Variants in PTPRG observed in about 807,000 individuals in gnomAD.
PTPRG encodes the protein protein tyrosine phosphatase receptor type G.
Under a neutral mutation model 165.3 loss-of-function variants are expected in PTPRG, and 102 were observed. That is an observed-to-expected ratio of 0.62 (90% CI 0.53 to 0.73). The LOEUF (loss-of-function observed/expected upper bound fraction) is 0.73, where lower values mean the gene tolerates loss of function less well. Among genes scored for constraint, PTPRG ranks in the 30% least tolerant of loss-of-function variants. The probability of loss-of-function intolerance (pLI) is 0.00; values close to 1 mark genes in which losing one functional copy is unlikely to be tolerated. For missense variants in PTPRG, 1,866 were observed against 1,861.4 expected, an observed-to-expected ratio of 1.00 and a Z score of -0.05; for synonymous variants, 675 against 669.5, an observed-to-expected ratio of 1.01 and a Z score of -0.13.
chr3:61,627,960 T>A (rs957507837), intron 1 of PTPRG, among the ~76,000 whole-genome samples: 34 of 152,164 alleles, frequency 2.2e-4, no homozygotes, highest in African/African-American at 7.5e-4. Context: ...CATTCCTGAG[T>A]GAAGAGAGCA....
intron 5 of PTPRG, among the ~76,000 whole-genome samples, chr3:62,089,554 G>C (rs1701862416): frequency 6.6e-6 from 1 of 152,146 alleles, no homozygotes; most frequent in African/African-American, 2.4e-5. Context: ...ATGTGATATA[G>C]TAAAAGACAC....
intron 2 of PTPRG, among the ~76,000 whole-genome samples, chr3:61,755,930 GA>G (rs1433758977): frequency 3.3e-5 from 5 of 152,152 alleles, no homozygotes; most frequent in Non-Finnish European, 7.3e-5. Flanking sequence ...TAGGGTTAAG[GA>G]CTGGGCAGTG....
Position 61,562,233 on chromosome 3 carries a change from C to G in PTPRG, c.-55C>G, listed in dbSNP as rs370243100. On this transcript the variant is annotated 5_prime_UTR_variant, in exon 1 of 30. Transcript: ENST00000474889. ...GCGGAGGCTCGCACGGAGGCAAGAACTTATTCAACAAGTTTACCTCCCTGC... is the reference window on the plus strand; with the variant it reads ...GCGGAGGCTCGCACGGAGGCAAGAAGTTATTCAACAAGTTTACCTCCCTGC... The G allele has an allele frequency of 3.3e-3, 5,061 of 1,520,332 alleles. 13 individuals are homozygous for G. The highest frequency in any genetic ancestry group is 4.0e-3 in the Non-Finnish European group (4,428 of 1,096,764). The allele number at this position is 1,520,332 out of a possible 1,614,324, so 94.2% of individuals were successfully genotyped here.
In PTPRG at chr3:62,201,319, C is replaced by T. The variant is rs531013850; in HGVS notation, c.1328-186C>T. On this transcript the variant is annotated intron_variant, in intron 10 of 29. Transcript: ENST00000474889. Reference sequence around the variant, plus strand: ...TACCCACAAACCAAATCTAGCTCTCCGCATGTTTTTGTAGGACTCGTAAGC... The same window carrying T: ...TACCCACAAACCAAATCTAGCTCTCTGCATGTTTTTGTAGGACTCGTAAGC... 3.9e-5 allele frequency among the ~76,000 whole-genome samples: 6 copies of T among 152,280 alleles called. No homozygotes were observed. The East Asian group carries it at 7.7e-4, about 20-fold the overall frequency.
chr3:61,903,852 T>C (rs921733951), intron 2 of PTPRG, among the ~76,000 whole-genome samples: 1 of 152,222 alleles, frequency 6.6e-6, no homozygotes, highest in Non-Finnish European at 1.5e-5. Flanking sequence ...TACTTAATTA[T>C]TTTTATATTT....
chr3:61,838,700 C>A (rs2036538298), intron 2 of PTPRG, among the ~76,000 whole-genome samples: 1 of 152,158 alleles, frequency 6.6e-6, no homozygotes. Context: ...CTGTAATGTT[C>A]CATATCAAAT....
rs571024205 is a variant in PTPRG at position 61,724,931 on chromosome 3, C to T, written c.86-23947C>T. Among the ~76,000 whole-genome samples, 13 of 152,104 alleles carry T rather than the reference C, an allele frequency of 8.5e-5. No homozygotes were observed. The East Asian group carries it at 2.5e-3, about 29-fold the overall frequency. ...TTTTTATCAGTATAGAGCCTGTTCC[C>T]ACGTCCTCTCACCAAGGCTCTTTAT... On this transcript the variant is annotated intron_variant, in intron 1 of 29. Coordinates refer to ENST00000474889, the MANE Select transcript of PTPRG (RefSeq NM_002841.4).
At chr3:61,683,350 G>A (rs968459692) in intron 1 of PTPRG, among the ~76,000 whole-genome samples, 6 of 152,360 alleles carry the variant, frequency 3.9e-5, no homozygotes, top group Non-Finnish European at 8.8e-5. Flanking sequence ...TGAGGCAGTG[G>A]TAACAGCTGT....
intron 2 of PTPRG, among the ~76,000 whole-genome samples, chr3:61,966,232 G>A (rs1429307733): frequency 2.0e-5 from 3 of 152,140 alleles, no homozygotes; most frequent in Non-Finnish European, 4.4e-5. Context: ...TTGATGCTGT[G>A]GAATGTGTCA....
intron 2 of PTPRG, among the ~76,000 whole-genome samples, chr3:61,974,527 T>C (rs2040458511): frequency 1.3e-5 from 2 of 151,912 alleles, no homozygotes; most frequent in Non-Finnish European, 2.9e-5. Flanking sequence ...CACTACAGCC[T>C]GGGCAACAAA....
At chr3:61,598,096 C>T (rs1051858162) in intron 1 of PTPRG, among the ~76,000 whole-genome samples, 3 of 152,036 alleles carry the variant, frequency 2.0e-5, no homozygotes, top group African/African-American at 7.2e-5. Flanking sequence ...CAGGGTTGAC[C>T]GGTCTCAGTG....
chr3:62,146,662 T>C (rs1704135215), intron 6 of PTPRG, among the ~76,000 whole-genome samples: 1 of 151,500 alleles, frequency 6.6e-6, no homozygotes, highest in East Asian at 1.9e-4. Context: ...CGCCCTCATA[T>C]AGGAGTGCAG....
chr3:62,153,933 GT>G (rs1248083408), intron 6 of PTPRG, among the ~76,000 whole-genome samples: 1 of 152,194 alleles, frequency 6.6e-6, no homozygotes, highest in African/African-American at 2.4e-5. Context: ...CCTGAATGAT[GT>G]TTTCTGCTCT....
intron 2 of PTPRG, among the ~76,000 whole-genome samples, chr3:61,875,113 A>G (rs1203171308): frequency 1.3e-5 from 2 of 152,166 alleles, no homozygotes; most frequent in East Asian, 3.9e-4. Context: ...ATCTCAGGAA[A>G]TCTTTTGCTC....
At chr3:61,629,421 C>T (rs1814928) in intron 1 of PTPRG, among the ~76,000 whole-genome samples, 90,083 of 151,968 alleles carry the variant, frequency 0.59, 27,558 homozygotes, top group African/African-American at 0.76. Context: ...CCTAAAGTGC[C>T]GAGATTACAG....
intron 2 of PTPRG, among the ~76,000 whole-genome samples, chr3:61,760,420 T>A (rs1384315285): frequency 6.6e-6 from 1 of 152,156 alleles, no homozygotes. Flanking sequence ...CTTTTAAAAA[T>A]CCTACCTTAG....
At chr3:62,209,131 T>C (rs1305734514) in intron 12 of PTPRG, among the ~76,000 whole-genome samples, 2 of 152,236 alleles carry the variant, frequency 1.3e-5, no homozygotes, top group Non-Finnish European at 2.9e-5. Flanking sequence ...AGAGACTAAC[T>C]TTCCATTGGT....
chr3:62,048,285 AG>A (rs1262297171), intron 4 of PTPRG, among the ~76,000 whole-genome samples: 1 of 152,248 alleles, frequency 6.6e-6, no homozygotes, highest in African/African-American at 2.4e-5. Context: ...AGCCAAAAAC[AG>A]GTCCAGGTGG....
chr3:61,666,068 G>A (rs80171130), intron 1 of PTPRG, among the ~76,000 whole-genome samples: 1,727 of 151,402 alleles, frequency 0.011, 29 homozygotes, highest in African/African-American at 0.039. Flanking sequence ...AATAAAGAAC[G>A]ATGTTAACCT....
Sources: allele counts gnomAD v4.1 joint callset (sites outside exome capture counted in the v4.1 genomes callset), GRCh38; gene constraint gnomAD v4.1.1; transcripts MANE v1.5; gene names NCBI Gene and HGNC (gene_info 2026-07-23, HGNC 2026-07-21).